MEF2D: variants seen among roughly 807,000 people sequenced by gnomAD.
MEF2D encodes the protein myocyte enhancer factor 2D, also known as myocyte-specific enhancer factor 2D.
MEF2D carries 10 observed loss-of-function variants against 59.3 expected under a neutral mutation model. The observed-to-expected ratio is 0.17, with a 90% CI of 0.10 to 0.29. The LOEUF is 0.29. Among genes scored for constraint, MEF2D ranks in the 10% least tolerant of loss-of-function variants. The pLI, the probability that MEF2D is intolerant of heterozygous loss-of-function variation, is 1.00. For synonymous variants in MEF2D, 305 were observed against 295.0 expected, an observed-to-expected ratio of 1.03 and a Z score of -0.35; for missense variants, 508 against 699.4, an observed-to-expected ratio of 0.73 and a Z score of 3.09.
At chr1:156,474,603 G>T (rs991495704) in intron 9 of MEF2D, among the ~76,000 whole-genome samples, 1 of 152,090 alleles carries the variant, frequency 6.6e-6, no homozygotes, top group Non-Finnish European at 1.5e-5. Flanking sequence ...TTGAGACCAG[G>T]AATTTGAGAC....
rs1048820594 is a variant in MEF2D at position 156,468,871 on chromosome 1, G to A, written c.1156C>T (p.Pro386Ser). 1 of 1,613,132 alleles carries A rather than the reference G, an allele frequency of 6.2e-7. No individual in the cohort carries two copies. The highest frequency in any genetic ancestry group is 8.5e-7 in the Non-Finnish European group (1 of 1,179,490). The stretch of plus-strand genomic sequence containing the variant: ...GGCTGCTGTGGCTGTGGCTGCTGTG[G>A]CTGCGGTGGCTGCTGCTGTGGAGGC... The part of the protein sequence containing the change: ...PQPPQQQPPQ[P>S]QQPQPQQPQQ... Residue 386 changes from proline to serine, a missense_variant, in exon 10 of 12, where the codon CCA becomes TCA. Physicochemically the swap from Pro to Ser is moderately conservative, Grantham distance 74. This residue lies in a region of MEF2D where 481 missense variants were observed against 584.7 expected (regional missense o/e 0.82). Transcript: ENST00000348159. The surrounding 1 kb of genome is among the most constrained non-coding windows in gnomAD (Gnocchi z 4.3).
chr1:156,485,943 G>A (rs548980749), intron 1 of MEF2D, among the ~76,000 whole-genome samples: 140 of 151,294 alleles, frequency 9.3e-4, no homozygotes, highest in African/African-American at 3.2e-3. Context: ...TCTGCCTCCC[G>A]GGTTCAAGCG....
In MEF2D at chr1:156,477,144, G is replaced by A. The variant is rs780224783; in HGVS notation, c.723C>T (p.Asn241=). Residue 241 remains asparagine (N), a synonymous_variant, in exon 7 of 12, where the codon AAC becomes AAT. Transcript: ENST00000348159. ...TGGCAGGGATGACCTTGTTTAGGCT[G>A]TTGCCATTGGCCACAGGGAGGAGGC... The part of the protein sequence containing the change: ...SPGLLPVANG[N]SLNKVIPAKS... 13 of 1,613,688 alleles carry A rather than the reference G, an allele frequency of 8.1e-6. No individual in the cohort carries two copies. Among genetic ancestry groups the A allele is most frequent in the Non-Finnish European group, 1.1e-5 (13 of 1,179,842 alleles).
rs758695037 is a variant in MEF2D at position 156,468,809 on chromosome 1, G to A, written c.1218C>T (p.His406=). 6 of 1,613,988 alleles carry A rather than the reference G, an allele frequency of 3.7e-6. No individual in the cohort carries two copies. The African/African-American group carries it at 6.7e-5, about 18-fold the overall frequency. Residue 406 remains histidine (H), a synonymous_variant, in exon 10 of 12, where the codon CAC becomes CAT. Transcript: ENST00000348159. The surrounding 1 kb of genome is among the most constrained non-coding windows in gnomAD (Gnocchi z 4.3). ...GGTTGCTGAGAGATACAGGGACCAG[G>A]TGGGACTGTTGCTGAGGTGGCTGTT... ...QPQQPPQQQS[H]LVPVSLSNLI...
intron 1 of MEF2D, among the ~76,000 whole-genome samples, chr1:156,483,920 A>G (rs1321745126): frequency 1.3e-5 from 2 of 152,180 alleles, no homozygotes; most frequent in African/African-American, 4.8e-5. Context: ...CCCTGGCTCA[A>G]GAACATACCA....
rs1671018485 is a variant in MEF2D, at chr1:156,468,583, A to G, written c.1247+197T>C. ...CCCCTACCCTGGGGCTGGCTCTCAG[A>G]AGGGGTTCAGGGTGAGCCTCTTGGG... On this transcript the variant is annotated intron_variant, in intron 10 of 11. Coordinates refer to ENST00000348159, the MANE Select transcript of MEF2D (RefSeq NM_005920.4). This position sits in a 1 kb window ranked among gnomAD's most constrained non-coding sequence, Gnocchi z 4.3. 1.3e-5 allele frequency among the ~76,000 whole-genome samples: 2 copies of G among 152,070 alleles called. No homozygotes were observed. The highest frequency in any genetic ancestry group is 4.1e-4 in the South Asian group (2 of 4,830).
Position 156,465,285 on chromosome 1 carries a change from C to A in MEF2D, c.*2360G>T. 6.6e-6 allele frequency: 1 copy of A among 152,516 alleles called. No individual in the cohort carries two copies. The allele number at this position is 152,516 out of a possible 1,614,324, so 9.4% of individuals were successfully genotyped here. A position where few individuals can be genotyped will look rare whatever the true frequency, so the allele number is the denominator to read the frequency against. On this transcript the variant is annotated 3_prime_UTR_variant, in exon 12 of 12. Transcript: ENST00000348159. ...TCTGGGGTTGGGGGAAGAGGGTACT[C>A]CAGGAACTGTGTCAAGTGTGGGTGA...
chr1:156,487,427 C>T (rs2102195775), intron 1 of MEF2D, among the ~76,000 whole-genome samples: 1 of 152,374 alleles, frequency 6.6e-6, no homozygotes, highest in African/African-American at 2.4e-5. Context: ...GGAGATGCCC[C>T]TGTCTTAGGC....
At chr1:156,499,110 A>T (rs759053046) in intron 1 of MEF2D, among the ~76,000 whole-genome samples, 6 of 152,084 alleles carry the variant, frequency 3.9e-5, no homozygotes, top group Non-Finnish European at 7.4e-5. Context: ...CAAAACACCC[A>T]ATCTCAGGCT....
At chr1:156,499,731 A>G (rs1010206499) in intron 1 of MEF2D, among the ~76,000 whole-genome samples, 3 of 151,990 alleles carry the variant, frequency 2.0e-5, no homozygotes, top group African/African-American at 7.3e-5. Context: ...GAACAGCTGC[A>G]AACTTCTGGC....
At chr1:156,480,641 AC>A in intron 4 of MEF2D, 192 bp downstream of exon 4, 2 of 1,548,116 alleles carry the variant, frequency 1.3e-6, no homozygotes, top group Non-Finnish European at 1.7e-6. Context: ...GCGACTACTC[AC>A]GGCCAGTCTA....
rs920747648 is a variant in MEF2D at position 156,479,311 on chromosome 1, C to T, written c.643G>A (p.Gly215Arg). 11 of 1,611,610 alleles carry T rather than the reference C, an allele frequency of 6.8e-6. No homozygotes were observed. The highest frequency in any genetic ancestry group is 2.2e-5 in the South Asian group (2 of 90,690). ...TCACCAACAGGGCTGGGGCAGGCTC[C>T]GTTAGCACTGTTCAGGTCACCCCCC... ...MLGGDLNSAN[G>R]ACPSPVGNGY... Residue 215 changes from glycine (G) to arginine (R), a missense_variant, in exon 6 of 12, where the codon GGA becomes AGA. By Grantham distance (125) the Gly-to-Arg change is moderately radical (BLOSUM62 -2). Coordinates refer to ENST00000348159, the MANE Select transcript of MEF2D (RefSeq NM_005920.4).
chr1:156,497,955 T>C (rs1164996924), intron 1 of MEF2D, among the ~76,000 whole-genome samples: 1 of 151,448 alleles, frequency 6.6e-6, no homozygotes, highest in Non-Finnish European at 1.5e-5. Flanking sequence ...GGCTGGGCCA[T>C]AATCAATGAG....
rs1670927549 is a variant in MEF2D, at chr1:156,467,540, G to C, written c.*105C>G. ...ACCGTCAACAGGACACGAAGCACAA[G>C]AAAGGAAGTGGGGGTCGAGCGGGAG... On this transcript the variant is annotated 3_prime_UTR_variant, in exon 12 of 12. Transcript: ENST00000348159. 1 of 771,872 alleles carries C rather than the reference G, an allele frequency of 1.3e-6. No individual in the cohort carries two copies. The highest frequency in any genetic ancestry group is 1.9e-6 in the Non-Finnish European group (1 of 528,238). The allele number at this position is 771,872 out of a possible 1,614,324, so 47.8% of individuals were successfully genotyped here.
intron 4 of MEF2D, 137 bp from the exon 5 acceptor site, chr1:156,479,933 C>A (rs1671881932): frequency 1.2e-6 from 1 of 810,660 alleles, no homozygotes; most frequent in African/African-American, 1.7e-5. Context: ...AGCTCCCTGC[C>A]CTGTGCCCTT....
At chr1:156,495,761 G>GAAAAAAAAA (rs1557898471) in intron 1 of MEF2D, among the ~76,000 whole-genome samples, 5 of 2,706 alleles carry the variant, frequency 1.8e-3, no homozygotes, top group African/African-American at 1.6e-3. Flanking sequence ...TGACCAGGGG[G>GAAAAAAAAA]CAAAAAAAAA....
At chr1:156,491,426 T>C (rs1214621405) in intron 1 of MEF2D, among the ~76,000 whole-genome samples, 1 of 152,190 alleles carries the variant, frequency 6.6e-6, no homozygotes, top group African/African-American at 2.4e-5. Flanking sequence ...TCTGTCATCC[T>C]CCTGCTGGGG....
intron 4 of MEF2D, chr1:156,480,536 G>A (rs1571240604): frequency 5.0e-6 from 6 of 1,193,826 alleles, no homozygotes; most frequent in Non-Finnish European, 6.9e-6. Context: ...TGGTCACTAA[G>A]AACCCGAGCA....
chr1:156,479,227 C>G (rs1180656627), intron 6 of MEF2D, 63 bp downstream of exon 6: 1 of 1,421,644 alleles, frequency 7.0e-7, no homozygotes, highest in African/African-American at 1.4e-5. Flanking sequence ...GATCCTTGGA[C>G]CCCCTGAGGC....
Sources: allele counts gnomAD v4.1 joint callset (sites outside exome capture counted in the v4.1 genomes callset), GRCh38; gene constraint gnomAD v4.1.1; regional missense constraint gnomAD v4.1.1; non-coding constraint Gnocchi (gnomAD v3.1); transcripts MANE v1.5; gene names NCBI Gene and HGNC (gene_info 2026-07-23, HGNC 2026-07-21).